MAPK10: variants seen among roughly 807,000 people sequenced by gnomAD.
MAPK10 encodes the protein JNK3 alpha protein kinase.
A neutral mutation model predicts 59.3 loss-of-function variants in MAPK10; 25 were observed. That is an observed-to-expected ratio of 0.42 (90% confidence interval 0.31 to 0.59). MAPK10 has a LOEUF of 0.59. Ranked by LOEUF, MAPK10 falls within the 20% of genes least tolerant of loss-of-function variation. The probability of loss-of-function intolerance (pLI) is 0.15; values close to 1 mark genes in which losing one functional copy is unlikely to be tolerated. For missense variants in MAPK10, 351 were observed against 568.9 expected, an observed-to-expected ratio of 0.62 and a Z score of 3.90; for synonymous variants, 190 against 200.5, an observed-to-expected ratio of 0.95 and a Z score of 0.44.
intron 2 of MAPK10, among the ~76,000 whole-genome samples, chr4:86,353,541 T>G (rs1227581515): frequency 6.6e-6 from 1 of 152,182 alleles, no homozygotes; most frequent in Non-Finnish European, 1.5e-5. Context: ...ACATGTTAAT[T>G]AAGCACAGTA....
At chr4:86,139,257 G>A (rs1365530158) in intron 4 of MAPK10, among the ~76,000 whole-genome samples, 2 of 148,744 alleles carry the variant, frequency 1.3e-5, no homozygotes, top group African/African-American at 5.2e-5. Flanking sequence ...AAAGCTGGAG[G>A]CATCACACTA....
chr4:86,591,422 G>A (rs1763040441), intron 1 of MAPK10, among the ~76,000 whole-genome samples: 1 of 152,068 alleles, frequency 6.6e-6, no homozygotes, highest in Non-Finnish European at 1.5e-5. Flanking sequence ...TGCCCAGGCT[G>A]TAGTGCAGTG....
intron 2 of MAPK10, among the ~76,000 whole-genome samples, chr4:86,276,537 T>C (rs992238864): frequency 2.6e-5 from 4 of 152,168 alleles, no homozygotes; most frequent in Non-Finnish European, 5.9e-5. Flanking sequence ...TTATCAAAAT[T>C]AGATACATTT....
intron 1 of MAPK10, among the ~76,000 whole-genome samples, chr4:86,555,248 C>G (rs1032288483): frequency 1.3e-5 from 2 of 152,048 alleles, no homozygotes; most frequent in Non-Finnish European, 2.9e-5. Flanking sequence ...GAGTTCAAGA[C>G]CAGGCTGACC....
At chr4:86,190,046 C>T (rs959251133) in intron 3 of MAPK10, among the ~76,000 whole-genome samples, 2 of 152,104 alleles carry the variant, frequency 1.3e-5, no homozygotes, top group African/African-American at 2.4e-5. Context: ...TGATGGATTA[C>T]ATTTATTGAT....
intron 1 of MAPK10, among the ~76,000 whole-genome samples, chr4:86,413,608 C>G (rs1745480728): frequency 6.6e-6 from 1 of 152,188 alleles, no homozygotes; most frequent in Non-Finnish European, 1.5e-5. Context: ...GTGAGCTATT[C>G]AAGCCTCAGC....
intron 1 of MAPK10, among the ~76,000 whole-genome samples, chr4:86,533,774 A>G (rs939145172): frequency 1.1e-4 from 16 of 152,194 alleles, no homozygotes; most frequent in African/African-American, 3.6e-4. Flanking sequence ...CTGAGCAAAC[A>G]TATTTCATTA....
intron 4 of MAPK10, among the ~76,000 whole-genome samples, chr4:86,115,617 A>T (rs556021918): frequency 6.6e-6 from 1 of 151,896 alleles, no homozygotes; most frequent in African/African-American, 2.4e-5. Context: ...ATGCGCCACC[A>T]CGCCCAGCTT....
intron 1 of MAPK10, among the ~76,000 whole-genome samples, chr4:86,461,654 A>G (rs1434000589): frequency 6.6e-6 from 1 of 152,192 alleles, no homozygotes; most frequent in African/African-American, 2.4e-5. Context: ...AAGTAACAGA[A>G]GAAGTAACAG....
At chr4:86,379,415 T>G (rs1017986920) in intron 1 of MAPK10, among the ~76,000 whole-genome samples, 18 of 152,180 alleles carry the variant, frequency 1.2e-4, no homozygotes, top group Non-Finnish European at 4.4e-5. Flanking sequence ...TCTTTTCTGT[T>G]GGGAATAGGC....
chr4:86,055,223 T>C (rs2044320075), intron 11 of MAPK10, among the ~76,000 whole-genome samples: 1 of 150,714 alleles, frequency 6.6e-6, no homozygotes. Context: ...ATAAAATCAC[T>C]AACATGCTAA....
At chr4:86,049,934 C>G (rs140095159) in intron 11 of MAPK10, among the ~76,000 whole-genome samples, 3 of 151,856 alleles carry the variant, frequency 2.0e-5, no homozygotes, top group African/African-American at 7.3e-5. Flanking sequence ...AGCTTGGGTA[C>G]CCTCTGGGAA....
At chr4:86,198,165 T>A (rs2081825820) in intron 2 of MAPK10, among the ~76,000 whole-genome samples, 1 of 152,098 alleles carries the variant, frequency 6.6e-6, no homozygotes, top group Non-Finnish European at 1.5e-5. Flanking sequence ...TTGCTAAGGA[T>A]GATTATATAG....
At chr4:86,442,988 A>G (rs575715879) in intron 1 of MAPK10, among the ~76,000 whole-genome samples, 1 of 152,304 alleles carries the variant, frequency 6.6e-6, no homozygotes, top group African/African-American at 2.4e-5. Context: ...AAGGGAGGTC[A>G]CAGAGCAAAG....
At chr4:86,547,242 C>T (rs903103430) in intron 1 of MAPK10, among the ~76,000 whole-genome samples, 5 of 152,320 alleles carry the variant, frequency 3.3e-5, no homozygotes, top group Admixed American at 6.5e-5. Context: ...CCCTTCAGCC[C>T]GCCCTGCACT....
intron 2 of MAPK10, among the ~76,000 whole-genome samples, chr4:86,288,428 T>C (rs896509207): frequency 2.0e-5 from 3 of 150,702 alleles, no homozygotes; most frequent in Admixed American, 6.6e-5. Context: ...TTTTTAGCTA[T>C]AAAAACCATG....
intron 1 of MAPK10, among the ~76,000 whole-genome samples, chr4:86,380,508 AT>A (rs1217308397): frequency 1.3e-5 from 2 of 152,158 alleles, no homozygotes; most frequent in African/African-American, 4.8e-5. Flanking sequence ...TTTTCTGACC[AT>A]TTTAGCCCTG....
At chr4:86,541,099 C>A (rs73838920) in intron 1 of MAPK10, among the ~76,000 whole-genome samples, 168 of 152,192 alleles carry the variant, frequency 1.1e-3, no homozygotes, top group African/African-American at 3.8e-3. Flanking sequence ...CCTACCCTAC[C>A]AGCCCCTACA....
At chr4:86,343,395 A>T (rs188941616) in intron 2 of MAPK10, among the ~76,000 whole-genome samples, 96 of 152,290 alleles carry the variant, frequency 6.3e-4, no homozygotes, top group African/African-American at 2.3e-3. Context: ...ATGGGTGAAA[A>T]TGAGAAACAT....
Sources: allele counts gnomAD v4.1 joint callset (sites outside exome capture counted in the v4.1 genomes callset), GRCh38; gene constraint gnomAD v4.1.1; transcripts MANE v1.5; gene names NCBI Gene and HGNC (gene_info 2026-07-23, HGNC 2026-07-21).